GRM8: variants seen among roughly 807,000 people sequenced by gnomAD.
GRM8 encodes glutamate metabotropic receptor 8.
GRM8 carries 47 observed loss-of-function variants against 87.2 expected under a neutral mutation model. The observed-to-expected ratio is 0.54, with a 90% confidence interval of 0.43 to 0.69. The LOEUF (loss-of-function observed/expected upper bound fraction) is 0.69, where lower values mean the gene tolerates loss of function less well. Ranked by LOEUF, GRM8 falls within the 30% of genes least tolerant of loss-of-function variation. The pLI is 0.00. For missense variants in GRM8, 1,019 were observed against 1,139.2 expected, an observed-to-expected ratio of 0.89 and a Z score of 1.52; for synonymous variants, 396 against 404.5, an observed-to-expected ratio of 0.98 and a Z score of 0.25.
chr7:126,554,925 A>G (rs1792974555), intron 8 of GRM8, among the ~76,000 whole-genome samples: 1 of 152,206 alleles, frequency 6.6e-6, no homozygotes, highest in Non-Finnish European at 1.5e-5. Context: ...GATAAATGTA[A>G]GAAGAAAAGA....
chr7:127,067,946 A>G lies in GRM8; in HGVS notation c.727+38550T>C, dbSNP rs554194937. Among the ~76,000 whole-genome samples the G allele has an allele frequency of 6.6e-5, 10 of 152,306 alleles. No individual in the cohort carries two copies. The South Asian group carries it at 1.9e-3, about 28-fold the overall frequency. ...GGCTAGTGATTCAGGGAGAACAGCA[A>G]AGGGAGATATGGTTTATAATTACAC... On this transcript the variant is annotated intron_variant, in intron 3 of 10. Transcript: ENST00000339582.
chr7:126,723,549 G>A (rs1192281464), intron 7 of GRM8, among the ~76,000 whole-genome samples: 1 of 117,878 alleles, frequency 8.5e-6, no homozygotes, highest in Non-Finnish European at 1.7e-5. Flanking sequence ...ATGCTCAGAG[G>A]CGAACCAAAA....
chr7:126,620,691 C>CTGTTACAAG (rs5887299), intron 7 of GRM8, among the ~76,000 whole-genome samples: 118,524 of 151,554 alleles, frequency 0.78, 46,571 homozygotes, highest in East Asian at 0.94. Flanking sequence ...CCTTCCTAAA[C>CTGTTACAAG]TGTTGCATGA....
intron 2 of GRM8, among the ~76,000 whole-genome samples, chr7:127,136,993 T>A (rs962913409): frequency 7.9e-5 from 12 of 152,052 alleles, no homozygotes; most frequent in Non-Finnish European, 1.6e-4. Context: ...AGAATGTATA[T>A]AAGAATTAAA....
At chr7:126,598,684 T>C (rs1045947241) in intron 8 of GRM8, among the ~76,000 whole-genome samples, 1 of 151,934 alleles carries the variant, frequency 6.6e-6, no homozygotes, top group Non-Finnish European at 1.5e-5. Context: ...AAAAAAATCT[T>C]AATTACGGCT....
At chr7:127,014,358 T>C (rs948288444) in intron 3 of GRM8, among the ~76,000 whole-genome samples, 1 of 152,164 alleles carries the variant, frequency 6.6e-6, no homozygotes, top group African/African-American at 2.4e-5. Flanking sequence ...AAGGGGCTGC[T>C]TTTAGGATAT....
intron 3 of GRM8, chr7:127,076,126 C>T: frequency 2.2e-6 from 1 of 456,254 alleles, no homozygotes; most frequent in South Asian, 1.6e-5. Flanking sequence ...GACTAATAGA[C>T]AGTTTGAGCA....
At chr7:127,176,884 G>T (rs1794140460) in intron 2 of GRM8, among the ~76,000 whole-genome samples, 1 of 152,194 alleles carries the variant, frequency 6.6e-6, no homozygotes, top group South Asian at 2.1e-4. Context: ...GCCCATTCCT[G>T]CCTGGCACCA....
At chr7:126,634,029 C>T (rs1801612220) in intron 7 of GRM8, among the ~76,000 whole-genome samples, 1 of 151,908 alleles carries the variant, frequency 6.6e-6, no homozygotes, top group African/African-American at 2.4e-5. Flanking sequence ...TTATCTTTTA[C>T]AGAAGATAAA....
intron 6 of GRM8, among the ~76,000 whole-genome samples, chr7:126,811,348 T>A (rs950921355): frequency 6.6e-6 from 1 of 151,284 alleles, no homozygotes; most frequent in African/African-American, 2.4e-5. Flanking sequence ...TATTCGGGAT[T>A]TTTTTTTTCT....
chr7:126,476,434 A>T (rs1044807638), intron 9 of GRM8, among the ~76,000 whole-genome samples: 1 of 152,176 alleles, frequency 6.6e-6, no homozygotes, highest in African/African-American at 2.4e-5. Flanking sequence ...GCTTCTGTGC[A>T]GGAAAGGAAA....
chr7:126,760,719 T>C (rs1027330767), intron 7 of GRM8, among the ~76,000 whole-genome samples: 4 of 152,170 alleles, frequency 2.6e-5, no homozygotes, highest in African/African-American at 9.7e-5. Flanking sequence ...CAATTGTATT[T>C]CTAATGAGAC....
chr7:127,134,782 T>A (rs1827862380), intron 2 of GRM8, among the ~76,000 whole-genome samples: 1 of 152,100 alleles, frequency 6.6e-6, no homozygotes, highest in Non-Finnish European at 1.5e-5. Flanking sequence ...AAGACATACA[T>A]CTTCTGGACA....
chr7:126,930,992 T>C (rs572113428), intron 3 of GRM8, among the ~76,000 whole-genome samples: 13 of 152,274 alleles, frequency 8.5e-5, no homozygotes, highest in African/African-American at 2.9e-4. Context: ...GATGGAGAGA[T>C]ACTTTTGAAG....
intron 9 of GRM8, among the ~76,000 whole-genome samples, chr7:126,514,632 T>C (rs1450872946): frequency 6.6e-6 from 1 of 152,024 alleles, no homozygotes; most frequent in Non-Finnish European, 1.5e-5. Context: ...AGAGGAACTT[T>C]GAATATGACT....
intron 8 of GRM8, among the ~76,000 whole-genome samples, chr7:126,544,954 A>T (rs1816973190): frequency 6.6e-6 from 1 of 152,224 alleles, no homozygotes; most frequent in African/African-American, 2.4e-5. Flanking sequence ...TATCAGAAGC[A>T]AAAAGTCAAA....
At chr7:126,752,700 C>G (rs1169780297) in intron 7 of GRM8, among the ~76,000 whole-genome samples, 4 of 152,130 alleles carry the variant, frequency 2.6e-5, no homozygotes, top group Non-Finnish European at 5.9e-5. Flanking sequence ...ACTCCCATGA[C>G]AGAAGAGAAT....
intron 3 of GRM8, among the ~76,000 whole-genome samples, chr7:127,056,242 A>G (rs962742693): frequency 6.6e-6 from 1 of 152,216 alleles, no homozygotes; most frequent in African/African-American, 2.4e-5. Flanking sequence ...TATTATCTAG[A>G]AAGAGATAAA....
chr7:126,616,381 T>C (rs951668180), intron 7 of GRM8, among the ~76,000 whole-genome samples: 6 of 152,126 alleles, frequency 3.9e-5, no homozygotes, highest in African/African-American at 1.4e-4. Flanking sequence ...AAGCAGTGTG[T>C]AGAGGGAAAT....
Sources: gnomAD v4.1 joint callset for allele counts (sites outside exome capture counted in the v4.1 genomes callset) on GRCh38, gnomAD v4.1.1 for gene constraint, MANE v1.5 for transcripts, NCBI Gene and HGNC (gene_info 2026-07-23, HGNC 2026-07-21) for gene names.